Variants in CELF4 observed in about 807,000 individuals in gnomAD.
CELF4 encodes CUGBP Elav-like family member 4, also known as CUG-BP- and ETR-3-like factor 4.
Under a neutral mutation model 59.9 loss-of-function variants are expected in CELF4, and 18 were observed. That is an observed-to-expected ratio of 0.30 (90% CI 0.21 to 0.45). The LOEUF (loss-of-function observed/expected upper bound fraction) is 0.45, where lower values mean the gene tolerates loss of function less well. Among genes scored for constraint, CELF4 ranks in the 20% least tolerant of loss-of-function variants. The pLI, the probability that CELF4 is intolerant of heterozygous loss-of-function variation, is 1.00. For missense variants in CELF4, 456 were observed against 689.0 expected, an observed-to-expected ratio of 0.66 and a Z score of 3.79; for synonymous variants, 261 against 267.1, an observed-to-expected ratio of 0.98 and a Z score of 0.22.
chr18:37,496,880 G>A (rs371620387), intron 1 of CELF4, among the ~76,000 whole-genome samples: 2 of 152,128 alleles, frequency 1.3e-5, no homozygotes, highest in African/African-American at 4.8e-5. Context: ...TGACTGGGAC[G>A]CCAGCCTCAA....
intron 2 of CELF4, among the ~76,000 whole-genome samples, chr18:37,414,598 T>C (rs10468926): frequency 0.29 from 44,159 of 149,826 alleles, 6,655 homozygotes; most frequent in Admixed American, 0.33. Flanking sequence ...CCCAGGTTCA[T>C]GCCATTCTCC....
At chr18:37,473,121 G>A (rs556023034) in intron 2 of CELF4, among the ~76,000 whole-genome samples, 19 of 152,268 alleles carry the variant, frequency 1.2e-4, no homozygotes, top group African/African-American at 2.6e-4. Context: ...AGGCCAGCCC[G>A]TGCTATCCCT....
At chr18:37,549,306 C>T (rs1241114202) in intron 1 of CELF4, among the ~76,000 whole-genome samples, 1 of 152,222 alleles carries the variant, frequency 6.6e-6, no homozygotes, top group African/African-American at 2.4e-5. Context: ...GGACTAGTCT[C>T]ATAGCAAGAG....
chr18:37,519,400 C>T (rs1026960610), intron 1 of CELF4, among the ~76,000 whole-genome samples: 1 of 152,092 alleles, frequency 6.6e-6, no homozygotes, highest in African/African-American at 2.4e-5. Context: ...CTCACTTTGT[C>T]TGGCTTTGTT....
In CELF4 at chr18:37,299,452, C is replaced by A. The variant is rs563421986; in HGVS notation, c.448+22351G>T. Among the ~76,000 whole-genome samples the A allele has an allele frequency of 3.9e-5, 6 of 152,136 alleles. No individual in the cohort carries two copies. In the South Asian group the frequency reaches 1.2e-3, roughly 32 times the overall value. On this transcript the variant is annotated intron_variant, in intron 3 of 12. Coordinates refer to ENST00000420428, the MANE Select transcript of CELF4 (RefSeq NM_020180.4). ...CCAGGGGCCTGGTATGGGGGCCGGGCAGAACTGGGACAGGATGGGAGCCTT... is the reference window on the plus strand; with the variant it reads ...CCAGGGGCCTGGTATGGGGGCCGGGAAGAACTGGGACAGGATGGGAGCCTT...
chr18:37,360,212 T>C (rs1321816745), intron 2 of CELF4, among the ~76,000 whole-genome samples: 1 of 152,116 alleles, frequency 6.6e-6, no homozygotes. Context: ...CCTGCTGAAG[T>C]CCTCTTTGCA....
Position 37,270,833 on chromosome 18 carries a change from G to A in CELF4, c.1034C>T (p.Pro345Leu), listed in dbSNP as rs749265465. 6.2e-7 allele frequency: 1 copy of A among 1,613,924 alleles called. No homozygotes were observed. The highest frequency in any genetic ancestry group is 1.1e-5 in the South Asian group (1 of 91,088). ...AGCAGGTTGCCCATTGGCCTGTGGGGGGAGGCCGGTGAAGCCATTCACCCC... is the reference window on the plus strand; with the variant it reads ...AGCAGGTTGCCCATTGGCCTGTGGGAGGAGGCCGGTGAAGCCATTCACCCC... ...PIGVNGFTGL[P>L]PQANGQPAAE... is the part of the protein sequence containing the mutation. The change falls in exon 8 of 13, where the codon CCC (proline) becomes CTC (leucine). Residue 345 changes from proline to leucine, a missense_variant. Around this residue, in one of 7 missense-constraint regions of CELF4, gnomAD observed 256 missense variants for 340.8 expected, o/e 0.75. Coordinates refer to ENST00000420428, the MANE Select transcript of CELF4 (RefSeq NM_020180.4).
In CELF4 at chr18:37,270,851, T is replaced by C. The variant is rs776965980; in HGVS notation, c.1016A>G (p.Asn339Ser). The change falls in exon 8 of 13, where the codon AAT becomes AGT. Residue 339 changes from asparagine (N) to serine (S), a missense_variant. Coordinates refer to ENST00000420428, the MANE Select transcript of CELF4 (RefSeq NM_020180.4). Reference protein sequence around the residue: ...VPSIPSPIGVNGFTGLPPQAN... With the variant: ...VPSIPSPIGVSGFTGLPPQAN... ...CTGTGGGGGGAGGCCGGTGAAGCCA[T>C]TCACCCCAATGGGGGATGGGATGCT... 1.2e-6 allele frequency: 2 copies of C among 1,613,670 alleles called. No individual in the cohort carries two copies. Among genetic ancestry groups the C allele is most frequent in the Non-Finnish European group, 8.5e-7 (1 of 1,179,912 alleles).
At chr18:37,531,404 A>C (rs1236101310) in intron 1 of CELF4, among the ~76,000 whole-genome samples, 1 of 152,146 alleles carries the variant, frequency 6.6e-6, no homozygotes, top group African/African-American at 2.4e-5. Flanking sequence ...AGCCTAATGG[A>C]AATTGCACAT....
rs1246623831 is a variant in CELF4 at position 37,254,276 on chromosome 18, C to G, written c.1334-338G>C. 6.6e-6 allele frequency among the ~76,000 whole-genome samples: 1 copy of G among 151,690 alleles called. No homozygotes were observed. Among genetic ancestry groups the G allele is most frequent in the Non-Finnish European group, 1.5e-5 (1 of 67,812 alleles). ...CCCCGCCGGCCCCGGCACCTCAGCC[C>G]TCGCCTCGGCGGGAGAGGGCGGACA... On this transcript the variant is annotated intron_variant, in intron 11 of 12. Coordinates refer to ENST00000420428, the MANE Select transcript of CELF4 (RefSeq NM_020180.4). The surrounding 1 kb of genome is among the most constrained non-coding windows in gnomAD (Gnocchi z 5.1).
intron 2 of CELF4, among the ~76,000 whole-genome samples, chr18:37,445,630 G>A (rs537806850): frequency 6.6e-6 from 1 of 152,212 alleles, no homozygotes; most frequent in South Asian, 2.1e-4. Flanking sequence ...CGCAAGGATG[G>A]GGTGGCAGAT....
rs2099819256 is a variant in CELF4 at position 37,470,859 on chromosome 18, TGTG to T, written c.369+14663_369+14665del. 5.7e-5 allele frequency among the ~76,000 whole-genome samples: 7 copies of T among 121,948 alleles called. No individual in the cohort carries two copies. The Admixed American group carries it at 6.7e-4, about 12-fold the overall frequency. The allele number at this position is 121,948 out of a possible 152,430, so 80.0% of individuals were successfully genotyped here. A position where few individuals can be genotyped will look rare whatever the true frequency, so the allele number is the denominator to read the frequency against. Reference sequence around the variant, plus strand: ...CTCTGTGTGTGTGTGTGTGTGTGTGTGTGTGTGTGTGTGTGTGTGTGTGTGTGT... The same window carrying T: ...CTCTGTGTGTGTGTGTGTGTGTGTGTTGTGTGTGTGTGTGTGTGTGTGTGT... On this transcript the variant is annotated intron_variant, in intron 2 of 12. Transcript: ENST00000420428.
At chr18:37,381,861 TA>T (rs1455541173) in intron 2 of CELF4, among the ~76,000 whole-genome samples, 3 of 152,154 alleles carry the variant, frequency 2.0e-5, no homozygotes, top group Non-Finnish European at 2.9e-5. Context: ...CTGAGTGCTT[TA>T]CCACTGGCAA....
chr18:37,315,052 CT>C (rs5824048), intron 3 of CELF4, among the ~76,000 whole-genome samples: 32,284 of 151,916 alleles, frequency 0.21, 3,457 homozygotes, highest in Non-Finnish European at 0.22. Flanking sequence ...GTGTCGTGTG[CT>C]TTTCAGTTCT....
At chr18:37,431,662 C>A (rs1444945360) in intron 2 of CELF4, among the ~76,000 whole-genome samples, 1 of 152,218 alleles carries the variant, frequency 6.6e-6, no homozygotes, top group African/African-American at 2.4e-5. Flanking sequence ...AGCCACTGCA[C>A]CTGGCCCTTT....
At chr18:37,508,786 G>A (rs989406860) in intron 1 of CELF4, among the ~76,000 whole-genome samples, 2 of 152,224 alleles carry the variant, frequency 1.3e-5, no homozygotes, top group Non-Finnish European at 2.9e-5. Context: ...AAGCAGGAGG[G>A]GTGGTGGAAG....
rs747037174 is a variant in CELF4 at position 37,246,742 on chromosome 18, G to A, written c.*45-1545C>T. ...AGTGCAAGTAAATCAACCACGCATA[G>A]ATATTTTTAAGATGTTTTCCTTATT... On this transcript the variant is annotated intron_variant, in intron 12 of 12. Transcript: ENST00000420428. This position sits in a 1 kb window ranked among gnomAD's most constrained non-coding sequence, Gnocchi z 5.3. 1.3e-5 allele frequency: 2 copies of A among 152,040 alleles called. No individual in the cohort carries two copies. The highest frequency in any genetic ancestry group is 2.9e-5 in the Non-Finnish European group (2 of 68,026). 9.4% of individuals were successfully genotyped at this position (152,040 alleles called of 1,614,324 possible). A position where few individuals can be genotyped will look rare whatever the true frequency, so the allele number is the denominator to read the frequency against.
intron 2 of CELF4, among the ~76,000 whole-genome samples, chr18:37,443,839 C>T (rs1294597224): frequency 6.6e-6 from 1 of 152,210 alleles, no homozygotes; most frequent in African/African-American, 2.4e-5. Flanking sequence ...CAGATATTTA[C>T]TGCTCACTCT....
At chr18:37,393,057 ACTGCGGTGTGTTAGAGAGACACAGG>A (rs1361686455) in intron 2 of CELF4, among the ~76,000 whole-genome samples, 2 of 41,144 alleles carry the variant, frequency 4.9e-5, no homozygotes, top group African/African-American at 3.2e-4. Flanking sequence ...AGACACAGGG[ACTGCGGTGTGTTAGAGAGACACAGG>A]GACTGCGGTG....
Sources: gnomAD v4.1 joint callset for allele counts (sites outside exome capture counted in the v4.1 genomes callset) on GRCh38, gnomAD v4.1.1 for gene constraint, gnomAD v4.1.1 regional missense constraint, Gnocchi (gnomAD v3.1) non-coding constraint, MANE v1.5 for transcripts, NCBI Gene and HGNC (gene_info 2026-07-23, HGNC 2026-07-21) for gene names.